The following FOXP1 variants were observed in gnomAD, a reference collection of about 807,000 sequenced individuals.
FOXP1 encodes the protein forkhead box P1, also known as forkhead box protein P1.
Under a neutral mutation model 98.2 loss-of-function variants are expected in FOXP1, and 15 were observed. The observed-to-expected ratio is 0.15, with a 90% CI of 0.10 to 0.24. The LOEUF is 0.24. FOXP1 is among the 10% of genes least tolerant of loss of function. FOXP1 has a pLI of 1.00. For synonymous variants in FOXP1, 371 were observed against 314.5 expected, an observed-to-expected ratio of 1.18 and a Z score of -1.90; for missense variants, 633 against 848.5, an observed-to-expected ratio of 0.75 and a Z score of 3.15.
At chr3:71,452,449 C>G (rs1239283146) in intron 3 of FOXP1, among the ~76,000 whole-genome samples, 1 of 152,160 alleles carries the variant, frequency 6.6e-6, no homozygotes, top group Non-Finnish European at 1.5e-5. Context: ...ACTCAAAGAG[C>G]CAGCAAGGCA....
intron 5 of FOXP1, among the ~76,000 whole-genome samples, chr3:71,262,871 G>A (rs538436121): frequency 6.6e-5 from 10 of 152,260 alleles, no homozygotes; most frequent in Admixed American, 2.6e-4. Flanking sequence ...GATCTGACCC[G>A]GTAGATCTTG....
chr3:71,414,334 G>A (rs1016685212), intron 3 of FOXP1, among the ~76,000 whole-genome samples: 8 of 152,120 alleles, frequency 5.3e-5, no homozygotes, highest in Admixed American at 6.5e-5. Context: ...CACCCAGCTC[G>A]GGGCCCTGCA....
At chr3:71,418,846 A>G (rs1015336443) in intron 3 of FOXP1, among the ~76,000 whole-genome samples, 4 of 150,360 alleles carry the variant, frequency 2.7e-5, no homozygotes, top group African/African-American at 9.8e-5. Flanking sequence ...TCTGCCAGGC[A>G]TGGTGGCTTA....
intron 2 of FOXP1, among the ~76,000 whole-genome samples, chr3:71,519,054 T>C (rs1004590761): frequency 2.0e-5 from 3 of 152,230 alleles, no homozygotes; most frequent in Admixed American, 6.5e-5. Context: ...GAGACCAGCC[T>C]GGCCAACACG....
rs2060780047 is a variant in FOXP1 at position 71,155,548 on chromosome 3, C to A, written c.180+42654G>T. The stretch of plus-strand genomic sequence containing the variant: ...AAGAGCCCCATGGGACCAGTAGCCA[C>A]CATACTGGGTAGTACAGTGGTCACA... On this transcript the variant is annotated intron_variant, in intron 6 of 20. Coordinates refer to ENST00000649528, the MANE Select transcript of FOXP1 (RefSeq NM_001349338.3). Among the ~76,000 whole-genome samples, 3 of 152,298 alleles carry A rather than the reference C, an allele frequency of 2.0e-5. No homozygotes were observed. The South Asian group carries it at 6.2e-4, about 32-fold the overall frequency.
intron 12 of FOXP1, among the ~76,000 whole-genome samples, chr3:71,004,056 A>G (rs1363108175): frequency 3.4e-5 from 5 of 148,546 alleles, no homozygotes; most frequent in Non-Finnish European, 7.4e-5. Flanking sequence ...TAAAGAAAAC[A>G]CAGCATTGTG....
At position 71,578,146 on chromosome 3, in the gene FOXP1, G is replaced by A. The variant is rs536386120; in HGVS notation, c.-298+3403C>T. 6.4e-4 allele frequency among the ~76,000 whole-genome samples: 97 copies of A among 152,260 alleles called. 1 individual carries two copies. Among genetic ancestry groups the A allele is most frequent in the African/African-American group, 2.2e-3 (91 of 41,550 alleles). ...ATGCTCTGGAAACCCTTTCTCGGTC[G>A]TGGAGAAGAAACAGCTCATGCTGAA... is the stretch of plus-strand genomic sequence containing the variant. On this transcript the variant is annotated intron_variant, in intron 2 of 20. Transcript: ENST00000649528.
intron 13 of FOXP1, among the ~76,000 whole-genome samples, chr3:70,999,695 C>A (rs1319820169): frequency 7.9e-5 from 12 of 151,142 alleles, no homozygotes; most frequent in Admixed American, 7.9e-4. Flanking sequence ...AAAAAAAATC[C>A]TTTCTATCCT....
chr3:71,216,558 G>A (rs548128649), intron 5 of FOXP1, among the ~76,000 whole-genome samples: 1 of 152,204 alleles, frequency 6.6e-6, no homozygotes, highest in South Asian at 2.1e-4. Flanking sequence ...CACACACTGG[G>A]GCTCCTACTT....
chr3:71,049,366 GCTGT>G lies in FOXP1; in HGVS notation c.511-2275_511-2272del, dbSNP rs2049512681. ...TGTAGCTCGATTTAAAATGAATTCT[GCTGT>G]CTATTTTCCTCACCACTTCTGTCCA... On this transcript the variant is annotated intron_variant, in intron 9 of 20. Coordinates refer to ENST00000649528, the MANE Select transcript of FOXP1 (RefSeq NM_001349338.3). Among the ~76,000 whole-genome samples the G allele has an allele frequency of 3.3e-5, 5 of 152,220 alleles. No homozygotes were observed. The South Asian group carries it at 8.3e-4, about 25-fold the overall frequency.
intron 4 of FOXP1, among the ~76,000 whole-genome samples, chr3:71,336,499 A>C (rs1475657359): frequency 6.6e-6 from 1 of 152,178 alleles, no homozygotes; most frequent in East Asian, 1.9e-4. Flanking sequence ...TAAAAACATG[A>C]AAATTTAATG....
intron 3 of FOXP1, among the ~76,000 whole-genome samples, chr3:71,382,014 G>A (rs951569927): frequency 2.0e-5 from 3 of 152,206 alleles, no homozygotes; most frequent in Admixed American, 6.5e-5. Context: ...GCTCACGCCT[G>A]TAAATGCAAT....
rs192311927 is a variant in FOXP1, at chr3:71,451,132, T to C, written c.-168+42294A>G. On this transcript the variant is annotated intron_variant, in intron 3 of 20. Transcript: ENST00000649528. Reference sequence around the variant, plus strand: ...CTTATATTGTTTTATTACAGTTCAATGAGTGGAGTTCAAAATTACATGCAG... The same window carrying C: ...CTTATATTGTTTTATTACAGTTCAACGAGTGGAGTTCAAAATTACATGCAG... 8.5e-5 allele frequency among the ~76,000 whole-genome samples: 13 copies of C among 152,318 alleles called. No individual in the cohort carries two copies. The East Asian group carries it at 2.1e-3, about 25-fold the overall frequency.
intron 4 of FOXP1, chr3:71,334,268 C>T: frequency 6.6e-6 from 1 of 152,154 alleles, no homozygotes; most frequent in Non-Finnish European, 1.5e-5. Context: ...ATTAGCCAGG[C>T]GTGGTGGCAC....
intron 3 of FOXP1, among the ~76,000 whole-genome samples, chr3:71,447,928 T>C (rs2086602013): frequency 6.6e-6 from 1 of 152,162 alleles, no homozygotes; most frequent in South Asian, 2.1e-4. Context: ...GTAGACACGT[T>C]CAGAGAGAAG....
chr3:71,510,145 C>A (rs1267643028), intron 2 of FOXP1, among the ~76,000 whole-genome samples: 2 of 151,548 alleles, frequency 1.3e-5, no homozygotes, highest in Non-Finnish European at 2.9e-5. Flanking sequence ...TGCGCCATTG[C>A]ACTCCAGCCC....
At chr3:71,460,607 T>C (rs966168402) in intron 3 of FOXP1, among the ~76,000 whole-genome samples, 14 of 152,072 alleles carry the variant, frequency 9.2e-5, no homozygotes, top group Admixed American at 8.5e-4. Context: ...TGGCTAACTT[T>C]TTTTGTATTT....
At chr3:70,973,747 G>T (rs183056484) in intron 17 of FOXP1, among the ~76,000 whole-genome samples, 8 of 151,698 alleles carry the variant, frequency 5.3e-5, no homozygotes, top group Non-Finnish European at 2.9e-5. Context: ...ACTCAATTGG[G>T]GCTTGAGAAG....
chr3:70,965,976 T>G lies in FOXP1; in HGVS notation c.1803A>C (p.Ala601=). The change falls in exon 20 of 21, where the codon GCA becomes GCC. Residue 601 remains alanine (A), a synonymous_variant. Transcript: ENST00000649528. ...TTGCCCCGTTCAGCTCTTCCCGTAT[T>G]GCGCTGGCTAAGTTGCCCAGAGTGG... is the stretch of plus-strand genomic sequence containing the variant. ...GNPTLGNLAS[A]IREELNGAME... 6.2e-7 allele frequency: 1 copy of G among 1,614,162 alleles called. No homozygotes were observed. The highest frequency in any genetic ancestry group is 2.2e-5 in the East Asian group (1 of 44,874).
Sources: gnomAD v4.1 joint callset for allele counts (sites outside exome capture counted in the v4.1 genomes callset) on GRCh38, gnomAD v4.1.1 for gene constraint, MANE v1.5 for transcripts, NCBI Gene and HGNC (gene_info 2026-07-23, HGNC 2026-07-21) for gene names.